Variants in RAP1B observed in about 807,000 individuals in gnomAD.
RAP1B encodes the protein RAP1B, member of RAS oncogene family.
RAP1B carries 1 observed loss-of-function variant against 27.5 expected under a neutral mutation model. That is an observed-to-expected ratio of 0.04 (90% CI 0.01 to 0.17). The LOEUF (loss-of-function observed/expected upper bound fraction) is 0.17, where lower values mean the gene tolerates loss of function less well. Ranked by LOEUF, RAP1B falls within the 10% of genes least tolerant of loss-of-function variation. The pLI is 1.00. For synonymous variants in RAP1B, 75 were observed against 73.1 expected (o/e 1.03, Z -0.13); for missense variants, 84 against 214.8 (o/e 0.39, Z 3.81).
At chr12:68,646,282 C>T (rs970494118) in intron 1 of RAP1B, among the ~76,000 whole-genome samples, 1 of 151,134 alleles carries the variant, frequency 6.6e-6, no homozygotes, top group Non-Finnish European at 1.5e-5. Flanking sequence ...GCAGCCATCA[C>T]TACAACCAGT....
At chr12:68,648,474 G>A (rs868138223) in intron 1 of RAP1B, among the ~76,000 whole-genome samples, 3 of 152,260 alleles carry the variant, frequency 2.0e-5, no homozygotes, top group African/African-American at 4.8e-5. Flanking sequence ...TTTCTTTTCA[G>A]ACCTGTGCTC....
chr12:68,620,542 T>G (rs1314971408), intron 1 of RAP1B, among the ~76,000 whole-genome samples: 3 of 152,148 alleles, frequency 2.0e-5, no homozygotes, highest in African/African-American at 7.2e-5. Flanking sequence ...AAAACATTTG[T>G]AGCAATCCTT....
At chr12:68,620,732 G>C (rs952430566) in intron 1 of RAP1B, among the ~76,000 whole-genome samples, 7 of 151,932 alleles carry the variant, frequency 4.6e-5, no homozygotes, top group Admixed American at 4.6e-4. Flanking sequence ...AAGTAGCTGG[G>C]ACTACAGGCG....
chr12:68,622,747 A>G (rs1439615873), intron 1 of RAP1B, among the ~76,000 whole-genome samples: 2 of 152,238 alleles, frequency 1.3e-5, no homozygotes, highest in African/African-American at 2.4e-5. Context: ...ACTATCTCAA[A>G]TGGTTAGCCC....
Position 68,616,485 on chromosome 12 carries a change from C to T in RAP1B, c.-27+5442C>T, listed in dbSNP as rs527588818. Among the ~76,000 whole-genome samples the T allele has an allele frequency of 4.4e-5, 6 of 135,858 alleles. No individual in the cohort carries two copies. In the South Asian group the frequency reaches 1.4e-3, roughly 31 times the overall value. The allele number at this position is 135,858 out of a possible 152,430, so 89.1% of individuals were successfully genotyped here. ...TTTTTGAGACGGAGTCTCTCTCTGTCCCCCAGGCTGGAGTGCAGTGGTGCA... is the reference window on the plus strand; with the variant it reads ...TTTTTGAGACGGAGTCTCTCTCTGTTCCCCAGGCTGGAGTGCAGTGGTGCA... On this transcript the variant is annotated intron_variant, in intron 1 of 7. Transcript: ENST00000250559.
At chr12:68,628,521 C>T (rs748221284) in intron 1 of RAP1B, among the ~76,000 whole-genome samples, 7 of 152,064 alleles carry the variant, frequency 4.6e-5, no homozygotes, top group African/African-American at 9.7e-5. Context: ...TTGTCCAATG[C>T]GTGATTTTAG....
chr12:68,654,044 C>G, intron 4 of RAP1B, 68 bp from the exon 5 acceptor site: 1 of 1,312,528 alleles, frequency 7.6e-7, no homozygotes, highest in South Asian at 1.3e-5. Flanking sequence ...TAATTATAGA[C>G]TGTGAAAATT....
At chr12:68,650,058 A>T (rs1343359750) in intron 2 of RAP1B, 1 of 162,256 alleles carries the variant, frequency 6.2e-6, no homozygotes, top group African/African-American at 2.4e-5. Flanking sequence ...GGTTGCAGTG[A>T]GCCAAAATTG....
chr12:68,636,658 C>T (rs544271979), intron 1 of RAP1B, among the ~76,000 whole-genome samples: 1 of 152,074 alleles, frequency 6.6e-6, no homozygotes, highest in Non-Finnish European at 1.5e-5. Flanking sequence ...GAGCAGTCTT[C>T]CCACCTCAGC....
In RAP1B at chr12:68,650,469, GTA is replaced by G. The variant is rs777503779; in HGVS notation, c.126+7_126+8del. The G allele has an allele frequency of 6.6e-7, 1 of 1,514,952 alleles. No homozygotes were observed. Among genetic ancestry groups the G allele is most frequent in the Non-Finnish European group, 8.9e-7 (1 of 1,128,330 alleles). 93.8% of individuals were successfully genotyped at this position (1,514,952 alleles called of 1,614,324 possible). On this transcript the variant is annotated splice_donor_variant and splice_donor_region_variant and intron_variant, in intron 3 of 7. Coordinates refer to ENST00000250559, the MANE Select transcript of RAP1B (RefSeq NM_001010942.3). LOFTEE classifies it high-confidence loss of function. ...TACGATAGAAGATTCTTATAGAAAG[GTA>G]TATATTACTTTGGAAGGCCTTTTGC...
At position 68,671,609 on chromosome 12, in the gene RAP1B, A is replaced by G. The variant is rs1359001932; in HGVS notation, c.*12360A>G. On this transcript the variant is annotated 3_prime_UTR_variant, in exon 8 of 8. Transcript: ENST00000250559. ...CCTGGGAAAGGAGATGAAGAAAGCA[A>G]CTGAAGGATATTTACCAAGTTGTTA... 1 of 152,200 alleles carries G rather than the reference A, an allele frequency of 6.6e-6. No homozygotes were observed. The highest frequency in any genetic ancestry group is 2.4e-5 in the African/African-American group (1 of 41,450). 9.4% of individuals were successfully genotyped at this position (152,200 alleles called of 1,614,324 possible).
intron 1 of RAP1B, among the ~76,000 whole-genome samples, chr12:68,631,117 G>A (rs1440829547): frequency 1.3e-5 from 2 of 151,952 alleles, no homozygotes; most frequent in Non-Finnish European, 2.9e-5. Flanking sequence ...TAGATGCCAT[G>A]GTATCAAAAT....
intron 1 of RAP1B, among the ~76,000 whole-genome samples, chr12:68,638,484 ATGT>A (rs1872774550): frequency 6.6e-6 from 1 of 152,110 alleles, no homozygotes; most frequent in Non-Finnish European, 1.5e-5. Context: ...AGGAGTAAGG[ATGT>A]TGTCTTACGT....
intron 1 of RAP1B, among the ~76,000 whole-genome samples, chr12:68,629,792 C>T (rs1342433964): frequency 2.0e-5 from 3 of 152,088 alleles, no homozygotes; most frequent in South Asian, 2.1e-4. Flanking sequence ...TGCCAGAAAT[C>T]GTTGGTTTTG....
At chr12:68,648,876 A>C in intron 2 of RAP1B, 95 bp downstream of exon 2, 1 of 1,141,028 alleles carries the variant, frequency 8.8e-7, no homozygotes, top group Non-Finnish European at 1.2e-6. Flanking sequence ...TTAAGATAAA[A>C]TTCCTTAATG....
intron 1 of RAP1B, 55 bp from the exon 2 acceptor site, chr12:68,648,644 G>A (rs1159677570): frequency 7.6e-7 from 1 of 1,314,376 alleles, no homozygotes; most frequent in Non-Finnish European, 1.1e-6. Context: ...TCTGTGAAAA[G>A]CACAGGAATA....
intron 1 of RAP1B, among the ~76,000 whole-genome samples, chr12:68,618,720 A>G (rs1871191524): frequency 6.6e-6 from 1 of 151,778 alleles, no homozygotes. Context: ...TCATTGTATT[A>G]TTCACTGCCA....
chr12:68,622,292 T>G lies in RAP1B; in HGVS notation c.-27+11249T>G, dbSNP rs181986654. On this transcript the variant is annotated intron_variant, in intron 1 of 7. Transcript: ENST00000250559. ...ACTCACAGGAGCTTCCTAACTTGTT[T>G]TCATTTTTGTCCTTCCCCACATTAT... Among the ~76,000 whole-genome samples, 48 of 152,350 alleles carry G rather than the reference T, an allele frequency of 3.2e-4. 1 individual carries two copies. The highest frequency in any genetic ancestry group is 6.8e-3 in the Middle Eastern group (2 of 294).
chr12:68,650,954 A>G (rs573956907), intron 3 of RAP1B: 2 of 152,526 alleles, frequency 1.3e-5, no homozygotes, highest in African/African-American at 4.8e-5. Context: ...ATTTGTATAT[A>G]CATAATGAAA....
Sources: allele counts gnomAD v4.1 joint callset (sites outside exome capture counted in the v4.1 genomes callset), GRCh38; gene constraint gnomAD v4.1.1; transcripts MANE v1.5; gene names NCBI Gene and HGNC (gene_info 2026-07-23, HGNC 2026-07-21).